The following NLGN1 variants were observed in gnomAD, a reference collection of about 807,000 sequenced individuals.
NLGN1 encodes neuroligin-1.
NLGN1 carries 12 observed loss-of-function variants against 65.5 expected under a neutral mutation model. That is an observed-to-expected ratio of 0.18 (90% CI 0.12 to 0.30). NLGN1 has a LOEUF of 0.30. NLGN1 is among the 10% of genes least tolerant of loss of function. NLGN1 has a pLI of 1.00. For synonymous variants in NLGN1, 350 were observed against 359.5 expected, an observed-to-expected ratio of 0.97 and a Z score of 0.30; for missense variants, 750 against 1,007.1, an observed-to-expected ratio of 0.74 and a Z score of 3.46.
chr3:174,263,875 C>T (rs374547722), intron 4 of NLGN1, among the ~76,000 whole-genome samples: 1 of 150,434 alleles, frequency 6.6e-6, no homozygotes, highest in East Asian at 2.0e-4. Context: ...TTAGGGCAGG[C>T]CTGGTGGTGA....
At chr3:173,538,248 C>T (rs1027026072) in intron 2 of NLGN1, among the ~76,000 whole-genome samples, 23 of 152,134 alleles carry the variant, frequency 1.5e-4, no homozygotes, top group African/African-American at 4.8e-4. Context: ...CAAGGTATTG[C>T]CAGCTAGCTG....
At chr3:173,466,216 C>G (rs752246460) in intron 2 of NLGN1, among the ~76,000 whole-genome samples, 20 of 152,068 alleles carry the variant, frequency 1.3e-4, no homozygotes, top group Non-Finnish European at 2.8e-4. Context: ...CAATCAAAAC[C>G]AAGATATCTA....
intron 4 of NLGN1, among the ~76,000 whole-genome samples, chr3:174,272,665 G>C: frequency 8.6e-6 from 1 of 116,546 alleles, no homozygotes; most frequent in South Asian, 2.9e-4. Context: ...ATGGATGGAT[G>C]GATAGATAGA....
At chr3:173,489,247 A>G (rs888208969) in intron 2 of NLGN1, among the ~76,000 whole-genome samples, 1 of 143,888 alleles carries the variant, frequency 6.9e-6, no homozygotes, top group Admixed American at 7.0e-5. Context: ...CCCCCACCCC[A>G]CAACAGGCCC....
chr3:174,200,580 C>T (rs981648908), intron 4 of NLGN1, among the ~76,000 whole-genome samples: 3 of 152,090 alleles, frequency 2.0e-5, no homozygotes, highest in Non-Finnish European at 4.4e-5. Context: ...TAACTAGTAT[C>T]CAGAGTAGAA....
chr3:173,522,733 A>G (rs541692993), intron 2 of NLGN1, among the ~76,000 whole-genome samples: 37 of 152,022 alleles, frequency 2.4e-4, no homozygotes, highest in African/African-American at 8.7e-4. Flanking sequence ...CTGCCTGGCC[A>G]TTGTTGTTAT....
At chr3:173,589,447 T>C (rs1476848590) in intron 2 of NLGN1, among the ~76,000 whole-genome samples, 1 of 152,226 alleles carries the variant, frequency 6.6e-6, no homozygotes, top group East Asian at 1.9e-4. Context: ...TATAATTCTG[T>C]TTATGTTTTG....
In NLGN1 at chr3:173,502,232, C is replaced by G. The variant is rs78162466; in HGVS notation, c.-321+67154C>G. Reference sequence around the variant, plus strand: ...TCAGAAGTGATTATTAATTTTTTGGCCATAAACGTTAAATTCTAGTTCTTG... The same window carrying G: ...TCAGAAGTGATTATTAATTTTTTGGGCATAAACGTTAAATTCTAGTTCTTG... On this transcript the variant is annotated intron_variant, in intron 2 of 6. Transcript: ENST00000457714. Among the ~76,000 whole-genome samples, 1,237 of 152,034 alleles carry G rather than the reference C, an allele frequency of 8.1e-3. 23 individuals are homozygous for G. The highest frequency in any genetic ancestry group is 0.029 in the African/African-American group (1,194 of 41,470).
intron 3 of NLGN1, among the ~76,000 whole-genome samples, chr3:173,715,841 C>A (rs930305652): frequency 6.6e-6 from 1 of 151,852 alleles, no homozygotes; most frequent in East Asian, 1.9e-4. Context: ...CCTGTTTATA[C>A]TGTTTTTTGT....
chr3:173,663,297 A>G (rs1439814445), intron 3 of NLGN1, among the ~76,000 whole-genome samples: 1 of 151,984 alleles, frequency 6.6e-6, no homozygotes, highest in Non-Finnish European at 1.5e-5. Flanking sequence ...CAGACACATA[A>G]CAATGATTAT....
rs1191153925 is a variant in NLGN1 at position 174,279,098 on chromosome 3, C to T, written c.1097C>T (p.Pro366Leu). 4 of 1,613,184 alleles carry T rather than the reference C, an allele frequency of 2.5e-6. No homozygotes were observed. Among genetic ancestry groups the T allele is most frequent in the Non-Finnish European group, 3.4e-6 (4 of 1,179,544 alleles). ...CCTGTGATTGATGGTGATGTAATAC[C>T]AGACGACCCCCAGATATTGATGGAG... The change falls in exon 6 of 7, where the codon CCA becomes CTA. Residue 366 changes from proline to leucine, a missense_variant. By Grantham distance (98) the Pro-to-Leu change is moderately conservative (BLOSUM62 -3). Transcript: ENST00000457714. This position sits in a 1 kb window ranked among gnomAD's most constrained non-coding sequence, Gnocchi z 4.7.
intron 2 of NLGN1, among the ~76,000 whole-genome samples, chr3:173,490,686 G>A (rs1311850493): frequency 6.6e-6 from 1 of 152,164 alleles, no homozygotes; most frequent in Non-Finnish European, 1.5e-5. Flanking sequence ...ACCTTGGGCA[G>A]TATGGCGATT....
intron 3 of NLGN1, among the ~76,000 whole-genome samples, chr3:173,780,490 T>A (rs192953333): frequency 1.2e-4 from 19 of 152,328 alleles, no homozygotes; most frequent in East Asian, 9.6e-4. Context: ...ATGCACACAC[T>A]TAAATTGACC....
At chr3:174,127,698 A>C (rs1251569095) in intron 4 of NLGN1, among the ~76,000 whole-genome samples, 4 of 152,126 alleles carry the variant, frequency 2.6e-5, no homozygotes, top group Non-Finnish European at 4.4e-5. Flanking sequence ...TAGAGGCTTG[A>C]GTTGAGTGTA....
intron 4 of NLGN1, among the ~76,000 whole-genome samples, chr3:174,206,059 G>A (rs528717139): frequency 2.6e-5 from 4 of 152,208 alleles, no homozygotes; most frequent in Non-Finnish European, 4.4e-5. Flanking sequence ...TTTAGCAACT[G>A]AGAAAATACT....
chr3:174,053,227 A>G (rs1470900711), intron 4 of NLGN1, among the ~76,000 whole-genome samples: 2 of 151,948 alleles, frequency 1.3e-5, no homozygotes, highest in South Asian at 2.1e-4. Flanking sequence ...CCTGAGCCTT[A>G]GTGTGCTTCT....
intron 4 of NLGN1, among the ~76,000 whole-genome samples, chr3:174,214,765 G>A (rs1004324226): frequency 6.6e-6 from 1 of 152,152 alleles, no homozygotes; most frequent in Admixed American, 6.5e-5. Context: ...ATGGTCAGTA[G>A]GGTGATTGGT....
the NLGN1 span, among the ~76,000 whole-genome samples, chr3:174,291,739 G>C: frequency 3.3e-5 from 5 of 151,106 alleles, no homozygotes; most frequent in African/African-American, 1.2e-4. Flanking sequence ...AACGCCTCCT[G>C]AGAAATTTAC....
At chr3:174,002,705 T>C (rs1002720088) in intron 4 of NLGN1, among the ~76,000 whole-genome samples, 6 of 152,060 alleles carry the variant, frequency 3.9e-5, no homozygotes, top group Non-Finnish European at 8.8e-5. Context: ...TCTAGTGAAA[T>C]TTTTTTGCCT....
Sources: allele counts gnomAD v4.1 joint callset (sites outside exome capture counted in the v4.1 genomes callset), GRCh38; gene constraint gnomAD v4.1.1; non-coding constraint Gnocchi (gnomAD v3.1); transcripts MANE v1.5; gene names NCBI Gene and HGNC (gene_info 2026-07-23, HGNC 2026-07-21).